Variants in FMN1 observed in about 807,000 individuals in gnomAD.
FMN1 encodes the protein formin 1.
FMN1 carries 110 observed loss-of-function variants against 132.4 expected under a neutral mutation model. The observed-to-expected ratio is 0.83, with a 90% CI of 0.71 to 0.97. The LOEUF (loss-of-function observed/expected upper bound fraction) is 0.97, where lower values mean the gene tolerates loss of function less well. Ranked by LOEUF, FMN1 falls within the 50% of genes least tolerant of loss-of-function variation. FMN1 has a pLI of 0.00. For missense variants in FMN1, 1,792 were observed against 1,705.3 expected, an observed-to-expected ratio of 1.05 and a Z score of -0.90; for synonymous variants, 722 against 651.7, an observed-to-expected ratio of 1.11 and a Z score of -1.64.
At position 32,777,794 on chromosome 15, in the gene FMN1, T is replaced by C. The variant is rs184584555; in HGVS notation, c.4131-875A>G. Among the ~76,000 whole-genome samples the C allele has an allele frequency of 9.3e-3, 1,008 of 107,854 alleles. 165 individuals carry two copies. The highest frequency in any genetic ancestry group is 0.086 in the East Asian group (288 of 3,334). The allele number at this position is 107,854 out of a possible 152,430, so 70.8% of individuals were successfully genotyped here. ...ATACTATGTATAATACATTTATATA[T>C]TATGTATAATATAATACATTTATTT... is the stretch of plus-strand genomic sequence containing the variant. On this transcript the variant is annotated intron_variant, in intron 19 of 20. Coordinates refer to ENST00000616417, the MANE Select transcript of FMN1 (RefSeq NM_001277313.2).
At chr15:33,044,407 T>C (rs909536616) in intron 6 of FMN1, among the ~76,000 whole-genome samples, 3 of 152,214 alleles carry the variant, frequency 2.0e-5, no homozygotes, top group Admixed American at 1.3e-4. Flanking sequence ...GGCCCACCTA[T>C]GGCCACCCAT....
In FMN1 at chr15:33,082,020, G is replaced by GGTGTGTGTGTGTGT. The variant is rs57369569; in HGVS notation, c.2043+6765_2043+6778dup. Among the ~76,000 whole-genome samples, 50 of 117,760 alleles carry GGTGTGTGTGTGTGT rather than the reference G, an allele frequency of 4.2e-4. 2 individuals carry two copies. The highest frequency in any genetic ancestry group is 1.6e-3 in the African/African-American group (47 of 29,362). The allele number at this position is 117,760 out of a possible 152,430, so 77.3% of individuals were successfully genotyped here. On this transcript the variant is annotated intron_variant, in intron 5 of 20. Coordinates refer to ENST00000616417, the MANE Select transcript of FMN1 (RefSeq NM_001277313.2). ...CCAGAATCAACAAGAAGAGTTCAGG[G>GGTGTGTGTGTGTGT]GTGTGTGTGTGTGTGTGTGTGTGTG...
intron 16 of FMN1, among the ~76,000 whole-genome samples, chr15:32,867,563 G>A (rs537347419): frequency 6.6e-6 from 1 of 150,388 alleles, no homozygotes; most frequent in South Asian, 2.1e-4. Flanking sequence ...GAGTGCAGTC[G>A]TGTGATCTCC....
At chr15:32,870,140 T>C (rs2059481933) in intron 16 of FMN1, among the ~76,000 whole-genome samples, 1 of 152,206 alleles carries the variant, frequency 6.6e-6, no homozygotes, top group Non-Finnish European at 1.5e-5. Flanking sequence ...CCTGGGATGT[T>C]TTTGATAGTT....
At chr15:33,085,501 A>G (rs1234431884) in intron 5 of FMN1, among the ~76,000 whole-genome samples, 2 of 150,752 alleles carry the variant, frequency 1.3e-5, no homozygotes, top group Non-Finnish European at 3.0e-5. Flanking sequence ...ATTACACAGT[A>G]TTTATATATA....
chr15:33,122,808 G>T (rs555590018), intron 4 of FMN1, among the ~76,000 whole-genome samples: 1 of 152,290 alleles, frequency 6.6e-6, no homozygotes, highest in African/African-American at 2.4e-5. Context: ...TAATCTGAAA[G>T]AAGAGGGAAC....
At chr15:33,117,738 CTCTT>C (rs1363717254) in intron 4 of FMN1, among the ~76,000 whole-genome samples, 18 of 152,292 alleles carry the variant, frequency 1.2e-4, no homozygotes, top group African/African-American at 4.3e-4. Context: ...CATTTGTACT[CTCTT>C]GATGAGACAG....
intron 15 of FMN1, among the ~76,000 whole-genome samples, chr15:32,889,893 C>T (rs1047174718): frequency 1.4e-4 from 21 of 152,128 alleles, no homozygotes; most frequent in African/African-American, 5.1e-4. Flanking sequence ...TACACTGCAC[C>T]CTCTTTGTAG....
Position 32,803,052 on chromosome 15 carries a change from G to A in FMN1, c.3980+1229C>T, listed in dbSNP as rs545799224. Among the ~76,000 whole-genome samples the A allele has an allele frequency of 2.6e-4, 39 of 152,274 alleles. 1 individual carries two copies. Among genetic ancestry groups the A allele is most frequent in the African/African-American group, 8.9e-4 (37 of 41,542 alleles). On this transcript the variant is annotated intron_variant, in intron 18 of 20. Transcript: ENST00000616417. ...CAGTGGGAAGCAGGGCAAGATGTTG[G>A]CACCTGTGAAAGCAGGGCAGATGGC...
chr15:32,775,823 T>C (rs1414486053), intron 20 of FMN1, among the ~76,000 whole-genome samples: 2 of 152,162 alleles, frequency 1.3e-5, no homozygotes, highest in Non-Finnish European at 2.9e-5. Flanking sequence ...ATTTGAAGCA[T>C]CCAGCAAAAA....
intron 9 of FMN1, among the ~76,000 whole-genome samples, chr15:32,963,785 A>C (rs180924674): frequency 1.4e-3 from 209 of 152,288 alleles, no homozygotes; most frequent in African/African-American, 4.3e-3. Context: ...AATTTTGAAA[A>C]TTCAGAAGAT....
chr15:33,046,712 A>T (rs949354002), intron 6 of FMN1, among the ~76,000 whole-genome samples: 1 of 151,948 alleles, frequency 6.6e-6, no homozygotes, highest in Admixed American at 6.6e-5. Context: ...ACATACTGGC[A>T]AAAACGATAA....
chr15:32,896,760 T>G (rs183803365), intron 15 of FMN1, among the ~76,000 whole-genome samples: 2 of 152,180 alleles, frequency 1.3e-5, no homozygotes, highest in East Asian at 3.9e-4. Flanking sequence ...TTCTTTATGG[T>G]TGAATAATAT....
At chr15:33,114,752 C>G (rs1173440083) in intron 4 of FMN1, among the ~76,000 whole-genome samples, 1 of 152,156 alleles carries the variant, frequency 6.6e-6, no homozygotes, top group Non-Finnish European at 1.5e-5. Flanking sequence ...TAGCATGACC[C>G]AAATGCCCCA....
rs531367699 is a variant in FMN1, at chr15:33,187,694, A to G, written c.-197+6215T>C. Among the ~76,000 whole-genome samples, 5 of 152,336 alleles carry G rather than the reference A, an allele frequency of 3.3e-5. No homozygotes were observed. The South Asian group carries it at 8.3e-4, about 25-fold the overall frequency. Reference sequence around the variant, plus strand: ...GCATTCTGATGCCTCAATGACCAGAAGGTCCCTCTTCCCATGCCGTGGCAC... The same window carrying G: ...GCATTCTGATGCCTCAATGACCAGAGGGTCCCTCTTCCCATGCCGTGGCAC... On this transcript the variant is annotated intron_variant, in intron 2 of 20. Transcript: ENST00000616417.
chr15:32,771,547 A>C lies in FMN1; in HGVS notation c.*2763T>G, dbSNP rs569099998. The C allele has an allele frequency of 6.6e-6, 1 of 152,346 alleles. No homozygotes were observed. Among genetic ancestry groups the C allele is most frequent in the South Asian group, 2.1e-4 (1 of 4,832 alleles). 9.4% of individuals were successfully genotyped at this position (152,346 alleles called of 1,614,324 possible). On this transcript the variant is annotated 3_prime_UTR_variant, in exon 21 of 21. Coordinates refer to ENST00000616417, the MANE Select transcript of FMN1 (RefSeq NM_001277313.2). ...GATTTAATGAATATTGTCTAAGAGG[A>C]GACAAAGTTGTTTGTAAGTTAAGGG...
rs2140806838 is a variant in FMN1, at chr15:32,766,260, G to A, written c.*8050C>T. Reference sequence around the variant, plus strand: ...GTTCATCTGAAAATAACCAAGAAGTGTCAACATCCTGATTCAGAACAGGGG... The same window carrying A: ...GTTCATCTGAAAATAACCAAGAAGTATCAACATCCTGATTCAGAACAGGGG... On this transcript the variant is annotated 3_prime_UTR_variant, in exon 21 of 21. Coordinates refer to ENST00000616417, the MANE Select transcript of FMN1 (RefSeq NM_001277313.2). 6.6e-6 allele frequency: 1 copy of A among 152,278 alleles called. No homozygotes were observed. Among genetic ancestry groups the A allele is most frequent in the East Asian group, 1.9e-4 (1 of 5,184 alleles). 9.4% of individuals were successfully genotyped at this position (152,278 alleles called of 1,614,324 possible).
intron 17 of FMN1, among the ~76,000 whole-genome samples, chr15:32,823,620 T>G (rs2058291917): frequency 6.6e-6 from 1 of 152,190 alleles, no homozygotes; most frequent in Non-Finnish European, 1.5e-5. Context: ...CTATGACAGT[T>G]CTTACATGTT....
rs533128995 is a variant in FMN1 at position 33,046,159 on chromosome 15, C to T, written c.2161+18798G>A. 8.9e-4 allele frequency among the ~76,000 whole-genome samples: 135 copies of T among 152,088 alleles called. 1 individual carries two copies. The highest frequency in any genetic ancestry group is 3.4e-3 in the Middle Eastern group (1 of 294). On this transcript the variant is annotated intron_variant, in intron 6 of 20. Transcript: ENST00000616417. ...AATATCAATCTCTAGAGAAATCATT[C>T]GAATAAAAATGTCCTCATGTCAAAA...
Sources: gnomAD v4.1 joint callset for allele counts (sites outside exome capture counted in the v4.1 genomes callset) on GRCh38, gnomAD v4.1.1 for gene constraint, MANE v1.5 for transcripts, NCBI Gene and HGNC (gene_info 2026-07-23, HGNC 2026-07-21) for gene names.